Variants in NAA20 observed in about 807,000 individuals in gnomAD.
NAA20 encodes N-alpha-acetyltransferase 20.
NAA20 carries 24 observed loss-of-function variants against 23.8 expected under a neutral mutation model. That is an observed-to-expected ratio of 1.01 (90% CI 0.73 to 1.42). The LOEUF is 1.42. NAA20 is among the 40% of genes most tolerant of loss of function. The probability of loss-of-function intolerance (pLI) is 0.00; values close to 1 mark genes in which losing one functional copy is unlikely to be tolerated. For missense variants in NAA20, 166 were observed against 223.1 expected (o/e 0.74, Z 1.63); for synonymous variants, 83 against 77.7 (o/e 1.07, Z -0.36).
At chr20:20,027,862 T>G (rs2043316679) in intron 4 of NAA20, among the ~76,000 whole-genome samples, 1 of 152,112 alleles carries the variant, frequency 6.6e-6, no homozygotes, top group Non-Finnish European at 1.5e-5. Context: ...ATCTTCATTC[T>G]AGAAGAGAGA....
At chr20:20,018,779 A>G in intron 1 of NAA20, 1 of 444,438 alleles carries the variant, frequency 2.3e-6, no homozygotes, top group Non-Finnish European at 3.0e-6. Flanking sequence ...GTAATAATCC[A>G]GTTAATCCTC....
In NAA20 at chr20:20,018,824, G is replaced by A. The variant is rs1052374340; in HGVS notation, c.53+1375G>A. 3 of 922,938 alleles carry A rather than the reference G, an allele frequency of 3.3e-6. No individual in the cohort carries two copies. The African/African-American group carries it at 5.4e-5, about 16-fold the overall frequency. The allele number at this position is 922,938 out of a possible 1,614,324, so 57.2% of individuals were successfully genotyped here. ...TGAGGTGCTGTCACCCCCATTTTGT[G>A]TATGAGTAAACCAAGGCATGGCAAG... On this transcript the variant is annotated intron_variant, in intron 1 of 5. Coordinates refer to ENST00000334982, the MANE Select transcript of NAA20 (RefSeq NM_016100.5).
At chr20:20,024,483 C>T (rs956885629) in intron 2 of NAA20, among the ~76,000 whole-genome samples, 14 of 151,882 alleles carry the variant, frequency 9.2e-5, no homozygotes, top group African/African-American at 1.7e-4. Context: ...TTTTAAATTA[C>T]GACTAATGAT....
intron 1 of NAA20, chr20:20,017,683 C>T: frequency 2.1e-6 from 3 of 1,417,074 alleles, no homozygotes; most frequent in African/African-American, 1.5e-5. Flanking sequence ...GGTGCTCAAA[C>T]TTTGTCTCTG....
intron 2 of NAA20, chr20:20,022,683 A>G: frequency 4.1e-6 from 2 of 483,790 alleles, no homozygotes; most frequent in Non-Finnish European, 7.2e-6. Flanking sequence ...TGTTAATATC[A>G]TGACTTGGTA....
intron 1 of NAA20, among the ~76,000 whole-genome samples, chr20:20,019,061 G>A (rs1458412064): frequency 6.6e-6 from 1 of 152,190 alleles, no homozygotes; most frequent in Non-Finnish European, 1.5e-5. Context: ...AGTGTTCCCA[G>A]CCATCTCATC....
Position 20,023,398 on chromosome 20 carries a change from A to C in NAA20, c.78+918A>C, listed in dbSNP as rs186653590. On this transcript the variant is annotated intron_variant, in intron 2 of 5. Transcript: ENST00000334982. ...TTGACCAGCACCTGTTTCATGCTTC[A>C]CCTGTCTACTGAATCCTATCTAGAG... 4.0e-3 allele frequency among the ~76,000 whole-genome samples: 601 copies of C among 151,792 alleles called. 2 individuals are homozygous for C. The highest frequency in any genetic ancestry group is 0.013 in the African/African-American group (541 of 41,362).
At position 20,032,610 on chromosome 20, in the gene NAA20, G is replaced by A. The variant is rs748217970; in HGVS notation, c.408G>A (p.Glu136=). ...ACAGTGTATATAGGACGGTCATAGA[G>A]TACTATTCGGCCAGCAACGGGGAGC... ...LGYSVYRTVI[E]YYSASNGEPD... Residue 136 remains glutamate, a synonymous_variant, in exon 5 of 6, where the codon GAG becomes GAA. Transcript: ENST00000334982. 8.1e-6 allele frequency: 13 copies of A among 1,609,962 alleles called. No individual in the cohort carries two copies. The highest frequency in any genetic ancestry group is 1.1e-5 in the Non-Finnish European group (13 of 1,178,292).
Position 20,017,404 on chromosome 20 carries a change from C to A in NAA20, c.8C>A (p.Thr3Lys). ...GGAAGCGGCGGCGGCGCGATGACCA[C>A]GCTACGGGCCTTTACCTGCGACGAC... MTTLRAFTCDDLF... is the reference protein window; with the variant it reads MTKLRAFTCDDLF... The change falls in exon 1 of 6, where the codon ACG becomes AAG. Residue 3 changes from threonine to lysine, a missense_variant. Coordinates refer to ENST00000334982, the MANE Select transcript of NAA20 (RefSeq NM_016100.5). The A allele has an allele frequency of 6.2e-7, 1 of 1,611,778 alleles. No homozygotes were observed. Among genetic ancestry groups the A allele is most frequent in the Non-Finnish European group, 8.5e-7 (1 of 1,179,452 alleles).
intron 4 of NAA20, among the ~76,000 whole-genome samples, chr20:20,032,010 C>T (rs747713766): frequency 6.6e-6 from 1 of 152,014 alleles, no homozygotes; most frequent in Non-Finnish European, 1.5e-5. Context: ...ATAGACCTTA[C>T]GTGAGACACT....
intron 2 of NAA20, 120 bp downstream of exon 2, chr20:20,022,600 T>A: frequency 1.2e-6 from 1 of 805,814 alleles, no homozygotes; most frequent in Non-Finnish European, 1.8e-6. Flanking sequence ...TCAGGAAACA[T>A]CATAAGCAAC....
At chr20:20,020,316 C>A (rs2043258670) in intron 1 of NAA20, among the ~76,000 whole-genome samples, 1 of 152,104 alleles carries the variant, frequency 6.6e-6, no homozygotes, top group South Asian at 2.1e-4. Flanking sequence ...AGTGGGGATT[C>A]AGCTTTAGTT....
intron 4 of NAA20, among the ~76,000 whole-genome samples, 197 bp from the exon 5 acceptor site, chr20:20,032,311 T>TA (rs1304372613): frequency 1.3e-5 from 2 of 151,978 alleles, no homozygotes; most frequent in East Asian, 1.9e-4. Context: ...GTCATGTTCT[T>TA]ACACTGCAAA....
rs372524854 is a variant in NAA20 at position 20,018,381 on chromosome 20, AAAC to A, written c.53+937_53+939del. 937 of 324,948 alleles carry A rather than the reference AAAC, an allele frequency of 2.9e-3. 5 individuals carry two copies. The highest frequency in any genetic ancestry group is 0.017 in the African/African-American group (803 of 48,502). The allele number at this position is 324,948 out of a possible 1,614,324, so 20.1% of individuals were successfully genotyped here. A position where few individuals can be genotyped will look rare whatever the true frequency, so the allele number is the denominator to read the frequency against. On this transcript the variant is annotated intron_variant, in intron 1 of 5. Transcript: ENST00000334982. ...TATCAGTCCTGGATCCACTTTAAAA[AAAC>A]AACAGGGCGGTATGTGAAAACTAAG...
chr20:20,026,322 C>T (rs1730299954), intron 3 of NAA20, among the ~76,000 whole-genome samples: 1 of 149,522 alleles, frequency 6.7e-6, no homozygotes, highest in Non-Finnish European at 1.5e-5. Flanking sequence ...AAAAAAAAAT[C>T]TTTCATTCTA....
intron 2 of NAA20, among the ~76,000 whole-genome samples, chr20:20,024,601 CAT>C (rs2043294764): frequency 6.6e-6 from 1 of 152,184 alleles, no homozygotes; most frequent in Non-Finnish European, 1.5e-5. Flanking sequence ...CTTCCAGTGA[CAT>C]TTAAAATTTG....
intron 3 of NAA20, 119 bp from the exon 4 acceptor site, chr20:20,026,664 TG>T: frequency 8.5e-7 from 1 of 1,179,552 alleles, no homozygotes; most frequent in South Asian, 1.5e-5. Flanking sequence ...TGACCTCAGG[TG>T]GTACTTAAAA....
intron 1 of NAA20, chr20:20,018,295 A>C: frequency 1.8e-6 from 1 of 560,656 alleles, no homozygotes; most frequent in African/African-American, 1.9e-5. Context: ...TTTTATAGAC[A>C]CTTTTCCTGG....
intron 1 of NAA20, among the ~76,000 whole-genome samples, chr20:20,019,530 A>G (rs2043253882): frequency 6.6e-6 from 1 of 152,256 alleles, no homozygotes; most frequent in South Asian, 2.1e-4. Flanking sequence ...ATTAGATTTC[A>G]GAGAATCATG....
Sources: allele counts gnomAD v4.1 joint callset (sites outside exome capture counted in the v4.1 genomes callset), GRCh38; gene constraint gnomAD v4.1.1; transcripts MANE v1.5; gene names NCBI Gene and HGNC (gene_info 2026-07-23, HGNC 2026-07-21).